The following GEMIN5 variants were observed in gnomAD, a reference collection of about 807,000 sequenced individuals.
The protein encoded by GEMIN5 is gem-associated protein 5.
In GEMIN5, 124 loss-of-function variants were observed where a neutral mutation model predicts 176.9. That is an observed-to-expected ratio of 0.70 (90% confidence interval 0.61 to 0.81). The LOEUF (loss-of-function observed/expected upper bound fraction) is 0.81. GEMIN5 is among the 40% of genes least tolerant of loss of function. The probability of loss-of-function intolerance (pLI) is 0.00; values close to 1 mark genes in which losing one functional copy is unlikely to be tolerated. For missense variants in GEMIN5, 1,843 were observed against 1,814.6 expected, an observed-to-expected ratio of 1.02 and a Z score of -0.28; for synonymous variants, 673 against 665.2, an observed-to-expected ratio of 1.01 and a Z score of -0.18.
chr5:154,935,794 G>T, intron 3 of GEMIN5, 47 bp downstream of exon 3: 1 of 1,359,256 alleles, frequency 7.4e-7, no homozygotes. Flanking sequence ...TGCAAAACAC[G>T]ATCATAAACA....
intron 24 of GEMIN5, among the ~76,000 whole-genome samples, chr5:154,895,336 G>GAGAA (rs1554100972): frequency 1.3e-5 from 1 of 75,666 alleles, no homozygotes; most frequent in Non-Finnish European, 2.7e-5. Context: ...CTCCAGAAAG[G>GAGAA]AAAAAAAAAA....
chr5:154,901,106 G>T (rs1001598182), intron 21 of GEMIN5, among the ~76,000 whole-genome samples: 2 of 152,092 alleles, frequency 1.3e-5, no homozygotes. Context: ...CACGAGGATC[G>T]CTTGAGCCCA....
chr5:154,894,519 A>T (rs816749), intron 24 of GEMIN5, among the ~76,000 whole-genome samples: 186 of 152,176 alleles, frequency 1.2e-3, no homozygotes, highest in African/African-American at 4.3e-3. Context: ...ACTTGTAATC[A>T]CAGCACTTTG....
At position 154,924,534 on chromosome 5, in the gene GEMIN5, C is replaced by T; in HGVS notation, c.1314G>A (p.Lys438=). The T allele has an allele frequency of 6.2e-7, 1 of 1,611,568 alleles. No homozygotes were observed. Among genetic ancestry groups the T allele is most frequent in the South Asian group, 1.1e-5 (1 of 91,040 alleles). ...KVTALCWHPT[K]EGCLAFGTDD... ...CAGTTCCAAAAGCTAAGCAACCTTC[C>T]TTGGTTGGGTGCCAGCACAGCTACA... is the stretch of plus-strand genomic sequence containing the variant. The change falls in exon 9 of 28, where the codon AAG becomes AAA. Residue 438 remains lysine, a synonymous_variant. Coordinates refer to ENST00000285873, the MANE Select transcript of GEMIN5 (RefSeq NM_015465.5).
rs751778819 is a variant in GEMIN5, at chr5:154,891,237, T to A, written c.4262+4A>T. On this transcript the variant is annotated splice_donor_region_variant and intron_variant, in intron 26 of 27. Coordinates refer to ENST00000285873, the MANE Select transcript of GEMIN5 (RefSeq NM_015465.5). ...TTCCGTCTTGTACTTGCCTCAGTACTTACCACTGGCTCTGAGAACTGCAGA... is the reference window on the plus strand; with the variant it reads ...TTCCGTCTTGTACTTGCCTCAGTACATACCACTGGCTCTGAGAACTGCAGA... 1 of 1,611,922 alleles carries A rather than the reference T, an allele frequency of 6.2e-7. No individual in the cohort carries two copies. Among genetic ancestry groups the A allele is most frequent in the South Asian group, 1.1e-5 (1 of 90,952 alleles).
intron 15 of GEMIN5, among the ~76,000 whole-genome samples, chr5:154,908,065 C>A (rs770447595): frequency 5.9e-5 from 9 of 151,962 alleles, no homozygotes; most frequent in Admixed American, 2.0e-4. Context: ...AGGACATGCT[C>A]CGACGTCACC....
chr5:154,896,626 C>CCA (rs906675742), intron 23 of GEMIN5, among the ~76,000 whole-genome samples: 73 of 152,260 alleles, frequency 4.8e-4, no homozygotes, highest in African/African-American at 1.7e-3. Flanking sequence ...ATGATTTAAG[C>CCA]CACACACAGA....
chr5:154,919,504 C>T (rs1296833600), intron 11 of GEMIN5, among the ~76,000 whole-genome samples: 1 of 152,118 alleles, frequency 6.6e-6, no homozygotes, highest in Non-Finnish European at 1.5e-5. Context: ...TCGTGTAAAT[C>T]TAGAATCATT....
intron 3 of GEMIN5, among the ~76,000 whole-genome samples, chr5:154,935,570 A>G (rs970992275): frequency 1.3e-5 from 2 of 152,200 alleles, no homozygotes; most frequent in Admixed American, 1.3e-4. Context: ...GAAAAAGGTG[A>G]AAGAGGACAT....
chr5:154,928,537 T>G lies in GEMIN5; in HGVS notation c.904A>C (p.Ser302Arg). ...PSNQPTQLVSSCFGGELLQWD... is the reference protein window; with the variant it reads ...PSNQPTQLVSRCFGGELLQWD... Reference sequence around the variant, plus strand: ...CCAAAAAAGACTTACCCAAAACAGCTAGATACCAGCTGTGTTGGTTGATTG... The same window carrying G: ...CCAAAAAAGACTTACCCAAAACAGCGAGATACCAGCTGTGTTGGTTGATTG... The change falls in exon 6 of 28, where the codon AGC becomes CGC. Residue 302 changes from serine to arginine, a missense_variant. Ser to Arg is a moderately radical substitution (Grantham distance 110). Transcript: ENST00000285873. 2 of 1,614,122 alleles carry G rather than the reference T, an allele frequency of 1.2e-6. No homozygotes were observed. The highest frequency in any genetic ancestry group is 8.5e-7 in the Non-Finnish European group (1 of 1,179,978).
intron 7 of GEMIN5, among the ~76,000 whole-genome samples, chr5:154,926,966 C>T (rs1429513799): frequency 1.3e-5 from 2 of 151,682 alleles, no homozygotes; most frequent in African/African-American, 2.4e-5. Flanking sequence ...AGGAGAATGG[C>T]GTAAAACTGG....
Position 154,921,365 on chromosome 5 carries a change from T to A in GEMIN5, c.1440A>T (p.Pro480=). 6.9e-7 allele frequency: 1 copy of A among 1,452,878 alleles called. No individual in the cohort carries two copies. 90.0% of individuals were successfully genotyped at this position (1,452,878 alleles called of 1,614,324 possible). ...TACCAAGTGACATGGGGGGTACTGG[T>A]GGCCCCCAGGCTAAAGTATATACAG... ...KKTVYTLAWG[P]PVPPMSLGGE... Residue 480 remains proline (P), a synonymous_variant, in exon 10 of 28, where the codon CCA becomes CCT. Transcript: ENST00000285873.
intron 4 of GEMIN5, 35 bp from the exon 5 acceptor site, chr5:154,931,612 C>T (rs1346351940): frequency 1.9e-6 from 3 of 1,548,018 alleles, no homozygotes; most frequent in Admixed American, 3.7e-5. Context: ...TTTTAATTTA[C>T]ATTAAACACG....
At chr5:154,923,000 AAT>A (rs1763958306) in intron 9 of GEMIN5, among the ~76,000 whole-genome samples, 1 of 152,126 alleles carries the variant, frequency 6.6e-6, no homozygotes, top group African/African-American at 2.4e-5. Context: ...CAGGCCTTAA[AAT>A]AGTGTTCTTT....
rs1469734829 is a variant in GEMIN5, at chr5:154,899,297, T to C, written c.3028A>G (p.Ile1010Val). Residue 1010 changes from isoleucine (I) to valine (V), a missense_variant, in exon 22 of 28, where the codon ATT becomes GTT. Coordinates refer to ENST00000285873, the MANE Select transcript of GEMIN5 (RefSeq NM_015465.5). ...SNHFYREAIA[I>V]AKARLRPEDP... ...TCCGGGCGCAGCCGGGCCTTGGCAA[T>C]CGCAATAGCTTCCCTAAAGGCAAGA... 5 of 1,610,750 alleles carry C rather than the reference T, an allele frequency of 3.1e-6. No homozygotes were observed. The Admixed American group carries it at 8.4e-5, about 27-fold the overall frequency.
rs967719831 is a variant in GEMIN5 at position 154,910,561 on chromosome 5, C to T, written c.2167+1166G>A. ...TCAAGTGATCCTCTAGCCTTGGCTT[C>T]CCAAAGTGCTGGGAATACAGACATG... On this transcript the variant is annotated intron_variant, in intron 15 of 27. Transcript: ENST00000285873. 2.6e-5 allele frequency among the ~76,000 whole-genome samples: 4 copies of T among 152,208 alleles called. No homozygotes were observed. The East Asian group carries it at 5.8e-4, about 22-fold the overall frequency.
intron 5 of GEMIN5, among the ~76,000 whole-genome samples, chr5:154,928,929 AT>A (rs879779730): frequency 1.2e-3 from 176 of 145,646 alleles, no homozygotes; most frequent in Middle Eastern, 3.7e-3. Flanking sequence ...TATTAAGAGT[AT>A]TTTTTTTTTT....
Position 154,901,470 on chromosome 5 carries a change from C to A in GEMIN5, c.2883G>T (p.Trp961Cys). Residue 961 changes from tryptophan to cysteine, a missense_variant, in exon 21 of 28, where the codon TGG (tryptophan) becomes TGT (cysteine). Physicochemically the swap from Trp to Cys is radical, Grantham distance 215 (BLOSUM62 -2). Transcript: ENST00000285873. The stretch of plus-strand genomic sequence containing the variant: ...TGGCAAAAGCTTCCACAGCCCATAG[C>A]CACACATGGTAGCCAGCTGAAAAAA... ...AMAPAAGYHV[W>C]LWAVEAFAKQ... The A allele has an allele frequency of 6.2e-7, 1 of 1,613,872 alleles. No individual in the cohort carries two copies. Among genetic ancestry groups the A allele is most frequent in the Non-Finnish European group, 8.5e-7 (1 of 1,179,928 alleles).
Position 154,917,936 on chromosome 5 carries a change from T to A in GEMIN5, c.1668A>T (p.Glu556Asp). 1 of 1,603,340 alleles carries A rather than the reference T, an allele frequency of 6.2e-7. No individual in the cohort carries two copies. The highest frequency in any genetic ancestry group is 8.5e-7 in the Non-Finnish European group (1 of 1,170,304). The change falls in exon 12 of 28, where the codon GAA becomes GAT. Residue 556 changes from glutamate (E) to aspartate (D), a missense_variant. Transcript: ENST00000285873. ...ADGKIMALGN[E>D]DGSIEIFQIP... ...TTAAAGAAGCAAATACATACCCATC[T>A]TCATTGCCAAGAGCCATGATTTTGC... is the stretch of plus-strand genomic sequence containing the variant.
Sources: gnomAD v4.1 joint callset for allele counts (sites outside exome capture counted in the v4.1 genomes callset) on GRCh38, gnomAD v4.1.1 for gene constraint, MANE v1.5 for transcripts, NCBI Gene and HGNC (gene_info 2026-07-23, HGNC 2026-07-21) for gene names.